The following CATSPERB variants were observed in gnomAD, a reference collection of about 807,000 sequenced individuals.
The protein encoded by CATSPERB is cation channel sperm-associated auxiliary subunit beta.
A neutral mutation model predicts 128.3 loss-of-function variants in CATSPERB; 93 were observed. The observed-to-expected ratio is 0.72, with a 90% CI of 0.61 to 0.86. The LOEUF (loss-of-function observed/expected upper bound fraction) is 0.86. Ranked by LOEUF, CATSPERB falls within the 40% of genes least tolerant of loss-of-function variation. The pLI is 0.00. For missense variants in CATSPERB, 1,153 were observed against 1,329.5 expected, an observed-to-expected ratio of 0.87 and a Z score of 2.06; for synonymous variants, 381 against 448.8, an observed-to-expected ratio of 0.85 and a Z score of 1.91.
At chr14:91,693,505 A>C (rs1895506409) in intron 7 of CATSPERB, 26 bp from the exon 8 acceptor site, 1 of 1,583,740 alleles carries the variant, frequency 6.3e-7, no homozygotes, top group Non-Finnish European at 8.7e-7. Context: ...AGGAAAATTA[A>C]AGCCAGGCAA....
chr14:91,591,812 C>A, intron 23 of CATSPERB, 80 bp downstream of exon 23: 2 of 921,062 alleles, frequency 2.2e-6, no homozygotes, highest in African/African-American at 3.3e-5. Context: ...TCTTAGTTTT[C>A]ATGTTTAACC....
intron 13 of CATSPERB, among the ~76,000 whole-genome samples, chr14:91,672,505 C>A (rs1048661819): frequency 6.6e-6 from 1 of 151,788 alleles, no homozygotes; most frequent in Non-Finnish European, 1.5e-5. Context: ...GGGTTAAGGA[C>A]GTTTGGAAGA....
intron 23 of CATSPERB, 72 bp from the exon 24 acceptor site, chr14:91,589,741 C>T (rs769197206): frequency 5.6e-5 from 81 of 1,443,966 alleles, no homozygotes; most frequent in South Asian, 1.4e-4. Context: ...TGGTAAAAAA[C>T]GAAAAGATAT....
At chr14:91,586,571 A>AGAGAGAGAGAAAGAGAGAG (rs374162982) in intron 26 of CATSPERB, among the ~76,000 whole-genome samples, 88 of 114,240 alleles carry the variant, frequency 7.7e-4, no homozygotes, top group East Asian at 1.4e-3. Context: ...GAGAGAGAGA[A>AGAGAGAGAGAAAGAGAGAG]AGAGAGAGAG....
At chr14:91,599,115 G>A (rs910046628) in intron 22 of CATSPERB, among the ~76,000 whole-genome samples, 21 of 152,230 alleles carry the variant, frequency 1.4e-4, no homozygotes, top group Non-Finnish European at 2.8e-4. Context: ...GCAAATTGTC[G>A]TATTGGTTTG....
rs1400978771 is a variant in CATSPERB, at chr14:91,614,931, C to T, written c.2400+2666G>A. Among the ~76,000 whole-genome samples the T allele has an allele frequency of 5.3e-5, 8 of 152,106 alleles. No homozygotes were observed. In the East Asian group the frequency reaches 1.5e-3, roughly 29 times the overall value. On this transcript the variant is annotated intron_variant, in intron 20 of 26. Coordinates refer to ENST00000256343, the MANE Select transcript of CATSPERB (RefSeq NM_024764.4). ...ATTAAATCAATCTAGTTAACATAGC[C>T]ATCACCTTGAATACTTAATCATTTT...
chr14:91,674,797 G>A (rs983182209), intron 11 of CATSPERB, among the ~76,000 whole-genome samples: 3 of 152,090 alleles, frequency 2.0e-5, no homozygotes, highest in Non-Finnish European at 4.4e-5. Context: ...CTACAACCTG[G>A]CCATCGTGAA....
chr14:91,661,549 T>TATATATATATATATA (rs1894886330), intron 14 of CATSPERB, among the ~76,000 whole-genome samples: 2 of 52,706 alleles, frequency 3.8e-5, no homozygotes, highest in Non-Finnish European at 8.1e-5. Context: ...ATATATATAT[T>TATATATATATATATA]TAAGACAGGG....
At chr14:91,727,305 G>C (rs2139784361) in intron 2 of CATSPERB, among the ~76,000 whole-genome samples, 1 of 152,244 alleles carries the variant, frequency 6.6e-6, no homozygotes, top group East Asian at 1.9e-4. Context: ...GGAGAACTGT[G>C]TGAATCATCC....
chr14:91,716,737 AC>A (rs1895948032), intron 5 of CATSPERB, among the ~76,000 whole-genome samples: 2 of 151,882 alleles, frequency 1.3e-5, no homozygotes. Flanking sequence ...ACACACACAC[AC>A]ACACACACAC....
chr14:91,650,903 GTTTATA>G (rs1308516394), intron 15 of CATSPERB, among the ~76,000 whole-genome samples: 5 of 151,892 alleles, frequency 3.3e-5, no homozygotes, highest in Non-Finnish European at 5.9e-5. Flanking sequence ...TGTTTCTATA[GTTTATA>G]TTTATAATTT....
intron 18 of CATSPERB, among the ~76,000 whole-genome samples, chr14:91,624,221 C>T (rs1295635921): frequency 1.3e-5 from 2 of 152,304 alleles, no homozygotes; most frequent in Middle Eastern, 3.4e-3. Context: ...GTGGCTCATG[C>T]CTGTAATCCT....
intron 22 of CATSPERB, among the ~76,000 whole-genome samples, chr14:91,597,918 T>TA (rs1178424333): frequency 6.6e-6 from 1 of 152,072 alleles, no homozygotes; most frequent in Non-Finnish European, 1.5e-5. Flanking sequence ...AAACATTTTT[T>TA]ATCTCAGTTT....
chr14:91,606,124 C>T (rs1893697766), intron 22 of CATSPERB, among the ~76,000 whole-genome samples: 1 of 149,892 alleles, frequency 6.7e-6, no homozygotes, highest in Non-Finnish European at 1.5e-5. Flanking sequence ...TGCAGTGAGC[C>T]AAGATCGCGC....
rs1893675008 is a variant in CATSPERB, at chr14:91,605,020, A to T, written c.2709+3274T>A. On this transcript the variant is annotated intron_variant, in intron 22 of 26. Transcript: ENST00000256343. ...CAAACAGCTGTGTGGAAGAGAACAC[A>T]GTTCTGGTCTTCTGTTTCTTGAATG... 3.5e-6 allele frequency: 4 copies of T among 1,151,942 alleles called. No homozygotes were observed. The South Asian group carries it at 4.9e-5, about 14-fold the overall frequency. 71.4% of individuals were successfully genotyped at this position (1,151,942 alleles called of 1,614,324 possible).
rs1255249051 is a variant in CATSPERB at position 91,589,571 on chromosome 14, A to T, written c.2919T>A (p.Thr973=). The T allele has an allele frequency of 1.2e-6, 2 of 1,614,032 alleles. No homozygotes were observed. Residue 973 remains threonine (T), a synonymous_variant, in exon 24 of 27, where the codon ACT becomes ACA. Transcript: ENST00000256343. ...RVPLQSPYLV[T]VTEVNMRHNW... Reference sequence around the variant, plus strand: ...TGTGCCTCATGTTCACTTCAGTCACAGTAACCAGATATGGAGATTGCAATG... The same window carrying T: ...TGTGCCTCATGTTCACTTCAGTCACTGTAACCAGATATGGAGATTGCAATG...
chr14:91,651,723 A>C (rs1894707533), intron 15 of CATSPERB, among the ~76,000 whole-genome samples: 1 of 152,154 alleles, frequency 6.6e-6, no homozygotes. Flanking sequence ...GGAGGGCAAG[A>C]CTTGAGGTGG....
In CATSPERB at chr14:91,670,062, G is replaced by T; in HGVS notation, c.1129-90C>A. 5 of 1,121,384 alleles carry T rather than the reference G, an allele frequency of 4.5e-6. No homozygotes were observed. The Admixed American group carries it at 8.2e-5, about 18-fold the overall frequency. 69.5% of individuals were successfully genotyped at this position (1,121,384 alleles called of 1,614,324 possible). On this transcript the variant is annotated intron_variant, in intron 13 of 26. Transcript: ENST00000256343. ...TTACTTGCATTTTGATTAAGAGAGA[G>T]ATACAATCACTAACACAACATAGAA...
Position 91,603,715 on chromosome 14 carries a change from G to A in CATSPERB, c.2709+4579C>T, listed in dbSNP as rs577767214. Among the ~76,000 whole-genome samples, 447 of 152,266 alleles carry A rather than the reference G, an allele frequency of 2.9e-3. 1 individual carries two copies. Among genetic ancestry groups the A allele is most frequent in the African/African-American group, 0.01 (422 of 41,560 alleles). ...AAAGGGAGTGAGGCAGGAAGAGAGGGAGGAGGAGCAGGAGGTAGAGAGAGA... is the reference window on the plus strand; with the variant it reads ...AAAGGGAGTGAGGCAGGAAGAGAGGAAGGAGGAGCAGGAGGTAGAGAGAGA... On this transcript the variant is annotated intron_variant, in intron 22 of 26. Transcript: ENST00000256343.
Sources: gnomAD v4.1 joint callset for allele counts (sites outside exome capture counted in the v4.1 genomes callset) on GRCh38, gnomAD v4.1.1 for gene constraint, MANE v1.5 for transcripts, NCBI Gene and HGNC (gene_info 2026-07-23, HGNC 2026-07-21) for gene names.